SKIC2: variants seen among roughly 807,000 people sequenced by gnomAD.
SKIC2 encodes the protein SKI2 subunit of superkiller complex.
the SKIC2 span, chr6:31,968,751 G>C: frequency 2.5e-6 from 4 of 1,612,932 alleles, no homozygotes; most frequent in Non-Finnish European, 3.4e-6. This position sits in a 1 kb window ranked among gnomAD's most constrained non-coding sequence, Gnocchi z 6.1. Flanking sequence ...TCCTACTGTC[G>C]GATCAGTCAT....
At chr6:31,962,298 A>C in the SKIC2 span, 1 of 1,021,728 alleles carries the variant, frequency 9.8e-7, no homozygotes, top group Admixed American at 1.8e-5. The surrounding 1 kb of genome is among the most constrained non-coding windows in gnomAD (Gnocchi z 5.0). Flanking sequence ...TATATCATGC[A>C]GGAGAATGTA....
At chr6:31,967,255 C>G in the SKIC2 span, 1 of 1,611,256 alleles carries the variant, frequency 6.2e-7, no homozygotes, top group Non-Finnish European at 8.5e-7. This position sits in a 1 kb window ranked among gnomAD's most constrained non-coding sequence, Gnocchi z 4.9. Context: ...CTCCTCCCAT[C>G]TGTCCTTTGC....
At chr6:31,967,357 G>A in the SKIC2 span, 5 of 1,611,772 alleles carry the variant, frequency 3.1e-6, no homozygotes, top group East Asian at 2.2e-5. The surrounding 1 kb of genome is among the most constrained non-coding windows in gnomAD (Gnocchi z 4.9). Context: ...GCATCACAAC[G>A]CATTGGGAGT....
the SKIC2 span, chr6:31,969,017 T>C: frequency 6.2e-7 from 1 of 1,612,792 alleles, no homozygotes; most frequent in Non-Finnish European, 8.5e-7. This position sits in a 1 kb window ranked among gnomAD's most constrained non-coding sequence, Gnocchi z 6.1. Context: ...AGGAGATTGC[T>C]GCCTTGCTCT....
chr6:31,960,920 G>A, the SKIC2 span: 5 of 920,138 alleles, frequency 5.4e-6, no homozygotes, highest in Non-Finnish European at 8.9e-6. Context: ...TTGGGAAAGT[G>A]TCATAGCAAA....
the SKIC2 span, chr6:31,961,578 C>T: frequency 6.2e-7 from 1 of 1,612,678 alleles, no homozygotes; most frequent in South Asian, 1.1e-5. Context: ...ACCCCAGAGG[C>T]CCCAGAGCCT....
At chr6:31,960,803 G>C in the SKIC2 span, 1 of 1,213,378 alleles carries the variant, frequency 8.2e-7, no homozygotes, top group Non-Finnish European at 1.2e-6. Context: ...CTGGGCTACT[G>C]CTAGCCCTCC....
chr6:31,967,424 C>T, the SKIC2 span: 1 of 1,442,990 alleles, frequency 6.9e-7, no homozygotes, highest in Non-Finnish European at 9.7e-7. The surrounding 1 kb of genome is among the most constrained non-coding windows in gnomAD (Gnocchi z 4.9). Context: ...AGGGAGCAAG[C>T]CCTCTCTCCA....
At chr6:31,959,591 G>A in the SKIC2 span, 2 of 571,338 alleles carry the variant, frequency 3.5e-6, no homozygotes, top group African/African-American at 1.9e-5. Context: ...GAAAGGGCTG[G>A]GGATATTTTT....
the SKIC2 span, chr6:31,965,756 G>C: frequency 1.4e-6 from 2 of 1,440,552 alleles, no homozygotes; most frequent in Non-Finnish European, 2.0e-6. The surrounding 1 kb of genome is among the most constrained non-coding windows in gnomAD (Gnocchi z 5.6). Flanking sequence ...AGCCTTTGCT[G>C]ATCCTTTCTG....
the SKIC2 span, chr6:31,966,713 A>G: frequency 1.9e-6 from 3 of 1,613,980 alleles, no homozygotes; most frequent in Non-Finnish European, 2.5e-6. The surrounding 1 kb of genome is among the most constrained non-coding windows in gnomAD (Gnocchi z 5.9). Context: ...CTCCAGGGGA[A>G]GCCGTCCCAG....
chr6:31,959,213 T>C, the SKIC2 span: 1 of 1,608,686 alleles, frequency 6.2e-7, no homozygotes, highest in African/African-American at 1.3e-5. Flanking sequence ...CAGAGCGACT[T>C]GGTGAGGGGG....
At chr6:31,962,431 C>T in the SKIC2 span, 1 of 1,613,906 alleles carries the variant, frequency 6.2e-7, no homozygotes, top group Non-Finnish European at 8.5e-7. The surrounding 1 kb of genome is among the most constrained non-coding windows in gnomAD (Gnocchi z 5.0). Context: ...TTCATGCTCT[C>T]TTCCCAGCAC....
chr6:31,969,423 G>A, the SKIC2 span: 1 of 1,614,186 alleles, frequency 6.2e-7, no homozygotes, highest in Non-Finnish European at 8.5e-7. This position sits in a 1 kb window ranked among gnomAD's most constrained non-coding sequence, Gnocchi z 6.1. Flanking sequence ...GGGGCATGGT[G>A]AGTACCTGAG....
the SKIC2 span, chr6:31,966,079 C>G: frequency 2.0e-6 from 2 of 1,022,668 alleles, no homozygotes; most frequent in African/African-American, 3.3e-5. This position sits in a 1 kb window ranked among gnomAD's most constrained non-coding sequence, Gnocchi z 5.9. Flanking sequence ...GTCTTCGATT[C>G]TCCTCTCTTC....
the SKIC2 span, chr6:31,963,263 A>C: frequency 8.3e-6 from 7 of 845,142 alleles, no homozygotes; most frequent in Non-Finnish European, 1.1e-5. The surrounding 1 kb of genome is among the most constrained non-coding windows in gnomAD (Gnocchi z 5.3). Flanking sequence ...ATTACTTTGC[A>C]TGTTGAAATG....
the SKIC2 span, chr6:31,961,841 C>A: frequency 6.3e-7 from 1 of 1,590,044 alleles, no homozygotes; most frequent in East Asian, 2.2e-5. Context: ...GCCCTGCGTG[C>A]TCCATGAGCA....
At chr6:31,968,858 CT>C in the SKIC2 span, 1 of 1,612,008 alleles carries the variant, frequency 6.2e-7, no homozygotes, top group Non-Finnish European at 8.5e-7. The surrounding 1 kb of genome is among the most constrained non-coding windows in gnomAD (Gnocchi z 6.1). Flanking sequence ...AATGCCCACC[CT>C]TTTTCTTGCA....
At chr6:31,964,148 G>A in the SKIC2 span, 1 of 1,610,480 alleles carries the variant, frequency 6.2e-7, no homozygotes, top group East Asian at 2.2e-5. This position sits in a 1 kb window ranked among gnomAD's most constrained non-coding sequence, Gnocchi z 5.0. Context: ...GCGTCTGTGT[G>A]CGTGCATGCA....
Sources: gnomAD v4.1 joint callset for allele counts on GRCh38, gnomAD v4.1.1 for gene constraint, Gnocchi (gnomAD v3.1) non-coding constraint, MANE v1.5 for transcripts, NCBI Gene and HGNC (gene_info 2026-07-23, HGNC 2026-07-21) for gene names.